EML1: variants seen among roughly 807,000 people sequenced by gnomAD.
The protein encoded by EML1 is echinoderm microtubule-associated protein-like 1.
In EML1, 27 loss-of-function variants were observed where a neutral mutation model predicts 110.4. That is an observed-to-expected ratio of 0.24 (90% CI 0.18 to 0.34). The LOEUF is 0.34. Among genes scored for constraint, EML1 ranks in the 10% least tolerant of loss-of-function variants. The pLI, the probability that EML1 is intolerant of heterozygous loss-of-function variation, is 1.00. For synonymous variants in EML1, 344 were observed against 385.8 expected, an observed-to-expected ratio of 0.89 and a Z score of 1.27; for missense variants, 741 against 1,030.9, an observed-to-expected ratio of 0.72 and a Z score of 3.85.
At chr14:99,834,527 C>T (rs1595359028) in intron 1 of EML1, among the ~76,000 whole-genome samples, 1 of 152,126 alleles carries the variant, frequency 6.6e-6, no homozygotes, top group Non-Finnish European at 1.5e-5. Context: ...GTCTCAAACA[C>T]CTGACCTCAG....
rs74084649 is a variant in EML1 at position 99,930,804 on chromosome 14, G to C, written c.1910-5225G>C. Among the ~76,000 whole-genome samples, 462 of 152,280 alleles carry C rather than the reference G, an allele frequency of 3.0e-3. 3 individuals carry two copies. The highest frequency in any genetic ancestry group is 0.011 in the African/African-American group (439 of 41,556). ...TTCCTATTTATTAAGCCCAACTGCA[G>C]ATCCTTAGCCTGCCTGTTCTAGTTT... On this transcript the variant is annotated intron_variant, in intron 17 of 21. Transcript: ENST00000262233.
At chr14:99,891,171 A>G (rs776320669) in intron 4 of EML1, 28 bp from the exon 5 acceptor site, 1 of 1,614,130 alleles carries the variant, frequency 6.2e-7, no homozygotes, top group Non-Finnish European at 8.5e-7. Flanking sequence ...AGCACCCTTT[A>G]AAAACTGTTT....
intron 20 of EML1, 31 bp downstream of exon 20, chr14:99,937,943 A>T (rs1302773322): frequency 6.3e-7 from 1 of 1,589,550 alleles, no homozygotes; most frequent in Non-Finnish European, 8.6e-7. Context: ...ACTGGTTCCA[A>T]CAAAAGAGTG....
At chr14:99,766,972 A>G (rs1202400131) in intron 1 of EML1, among the ~76,000 whole-genome samples, 1 of 152,188 alleles carries the variant, frequency 6.6e-6, no homozygotes, top group Non-Finnish European at 1.5e-5. Context: ...GTCCACTGGG[A>G]GTCACCGTTT....
At chr14:99,809,067 T>G (rs2058029633) in intron 1 of EML1, among the ~76,000 whole-genome samples, 1 of 152,200 alleles carries the variant, frequency 6.6e-6, no homozygotes, top group South Asian at 2.1e-4. Flanking sequence ...GGCTTTCTAT[T>G]TGTTGTCTTC....
chr14:99,849,814 A>T (rs1396693760), intron 1 of EML1, among the ~76,000 whole-genome samples: 1 of 151,764 alleles, frequency 6.6e-6, no homozygotes, highest in African/African-American at 2.4e-5. Context: ...TCCCAGAGTG[A>T]TGGGATTACA....
At chr14:99,809,520 G>C in intron 1 of EML1, 1 of 401,576 alleles carries the variant, frequency 2.5e-6, no homozygotes, top group Non-Finnish European at 5.0e-6. Flanking sequence ...AGGCGCCCTG[G>C]TCGGCACCCT....
At chr14:99,928,855 T>TC (rs1246562503) in intron 17 of EML1, among the ~76,000 whole-genome samples, 5 of 152,338 alleles carry the variant, frequency 3.3e-5, no homozygotes, top group African/African-American at 1.2e-4. Flanking sequence ...CAGCCTTTTG[T>TC]CCATGTTGAG....
rs924440316 is a variant in EML1, at chr14:99,827,075, C to T, written c.68-23778C>T. Among the ~76,000 whole-genome samples the T allele has an allele frequency of 2.0e-5, 3 of 152,188 alleles. No homozygotes were observed. The East Asian group carries it at 5.8e-4, about 29-fold the overall frequency. On this transcript the variant is annotated intron_variant, in intron 1 of 21. Coordinates refer to ENST00000262233, the MANE Select transcript of EML1 (RefSeq NM_004434.3). This position sits in a 1 kb window ranked among gnomAD's most constrained non-coding sequence, Gnocchi z 4.4. Reference sequence around the variant, plus strand: ...GCAGTCCCAGGGAGCCAGTCACTGACTGTAAATACGCTGGGGGGTATTTAC... The same window carrying T: ...GCAGTCCCAGGGAGCCAGTCACTGATTGTAAATACGCTGGGGGGTATTTAC...
chr14:99,882,858 G>A (rs566000271), intron 4 of EML1, among the ~76,000 whole-genome samples: 1 of 151,364 alleles, frequency 6.6e-6, no homozygotes, highest in South Asian at 2.1e-4. Context: ...TAGTGAAGAC[G>A]TTGGCATGTT....
rs780126157 is a variant in EML1 at position 99,760,680 on chromosome 14, A to G, written c.28+22820A>G. ...CTTTCTCCCTGAAAGGGCTTTGCAG[A>G]CAGACTGGGAGCCTGCTCAACGCCC... is the stretch of plus-strand genomic sequence containing the variant. On this transcript the variant is annotated intron_variant, in intron 1 of 10. Coordinates refer to the EML1 transcript ENST00000554479. Among the ~76,000 whole-genome samples the G allele has an allele frequency of 7.4e-4, 113 of 152,290 alleles. 2 individuals carry two copies. Among genetic ancestry groups the G allele is most frequent in the Non-Finnish European group, 2.2e-4 (15 of 68,020 alleles).
rs764449866 is a variant in EML1 at position 99,849,505 on chromosome 14, T to TTGTGTGTG, written c.68-1330_68-1323dup. ...GTATCTCATAATTGTGTGTGTGTATTTGTGTGTGTGTGTGTGTGTGTGTGT... is the reference window on the plus strand; with the variant it reads ...GTATCTCATAATTGTGTGTGTGTATTTGTGTGTGTGTGTGTGTGTGTGTGTGTGTGTGT... On this transcript the variant is annotated intron_variant, in intron 1 of 21. Coordinates refer to ENST00000262233, the MANE Select transcript of EML1 (RefSeq NM_004434.3). Among the ~76,000 whole-genome samples the TTGTGTGTG allele has an allele frequency of 5.2e-4, 77 of 149,122 alleles. 1 individual carries two copies. The highest frequency in any genetic ancestry group is 6.8e-3 in the Middle Eastern group (2 of 292).
upstream of EML1, among the ~76,000 whole-genome samples, chr14:99,769,551 T>C (rs2057401703): frequency 6.6e-6 from 1 of 152,192 alleles, no homozygotes; most frequent in South Asian, 2.1e-4. Context: ...CAGGTCAGTT[T>C]CAATGGTTTG....
chr14:99,742,586 G>A (rs932010332), intron 1 of EML1, among the ~76,000 whole-genome samples: 28 of 152,258 alleles, frequency 1.8e-4, no homozygotes, highest in Admixed American at 6.5e-4. Context: ...GTGCAGTGGA[G>A]GCTGAGCCTG....
intron 3 of EML1, among the ~76,000 whole-genome samples, chr14:99,871,578 G>A (rs909499671): frequency 6.6e-6 from 1 of 152,028 alleles, no homozygotes; most frequent in African/African-American, 2.4e-5. Flanking sequence ...AACATGAACA[G>A]GGAAGTTTGG....
At chr14:99,763,542 G>A (rs2057337007) in intron 1 of EML1, among the ~76,000 whole-genome samples, 1 of 152,092 alleles carries the variant, frequency 6.6e-6, no homozygotes, top group Admixed American at 6.6e-5. Flanking sequence ...TCACAGGCAG[G>A]ACCAGCCAGG....
chr14:99,788,633 G>A (rs892249812), upstream of EML1, among the ~76,000 whole-genome samples: 2 of 149,706 alleles, frequency 1.3e-5, no homozygotes, highest in Admixed American at 6.7e-5. Flanking sequence ...TCCCTAATAT[G>A]TGTGTGTGTG....
exon 1 of EML1, chr14:99,773,746 G>A (rs1352974215): frequency 6.6e-6 from 1 of 152,302 alleles, no homozygotes; most frequent in East Asian, 1.9e-4. Flanking sequence ...GCCAGGCCGA[G>A]GTGGGCGCCG....
At chr14:99,811,458 A>G (rs985531033) in intron 1 of EML1, among the ~76,000 whole-genome samples, 3 of 151,712 alleles carry the variant, frequency 2.0e-5, no homozygotes, top group Admixed American at 6.6e-5. Flanking sequence ...TGTTATATGT[A>G]TTGTATACTG....
Sources: gnomAD v4.1 joint callset for allele counts (sites outside exome capture counted in the v4.1 genomes callset) on GRCh38, gnomAD v4.1.1 for gene constraint, Gnocchi (gnomAD v3.1) non-coding constraint, MANE v1.5 for transcripts, NCBI Gene and HGNC (gene_info 2026-07-23, HGNC 2026-07-21) for gene names.